Variants in RGP1 observed in about 807,000 individuals in gnomAD.
The protein encoded by RGP1 is RGP1 partner of RAB6A GEF complex.
A neutral mutation model predicts 44.5 loss-of-function variants in RGP1; 28 were observed. That is an observed-to-expected ratio of 0.63 (90% CI 0.47 to 0.86). RGP1 has a LOEUF of 0.86. Ranked by LOEUF, RGP1 falls within the 40% of genes least tolerant of loss-of-function variation. The probability of loss-of-function intolerance (pLI) is 0.00; values close to 1 mark genes in which losing one functional copy is unlikely to be tolerated. For synonymous variants in RGP1, 212 were observed against 196.7 expected (o/e 1.08, Z -0.65); for missense variants, 417 against 490.7 (o/e 0.85, Z 1.42).
At chr9:35,779,319 C>A in the RGP1 span, among the ~76,000 whole-genome samples, 4 of 152,074 alleles carry the variant, frequency 2.6e-5, no homozygotes, top group Non-Finnish European at 5.9e-5. Context: ...TCCCTCCTTT[C>A]CCCCCTTAAA....
Position 35,749,966 on chromosome 9 carries a change from C to A in RGP1, c.116+95C>A. 1.0e-6 allele frequency: 1 copy of A among 991,604 alleles called. No individual in the cohort carries two copies. Among genetic ancestry groups the A allele is most frequent in the Non-Finnish European group, 1.5e-6 (1 of 649,192 alleles). The allele number at this position is 991,604 out of a possible 1,614,324, so 61.4% of individuals were successfully genotyped here. On this transcript the variant is annotated intron_variant, in intron 2 of 8. Transcript: ENST00000378078. This position sits in a 1 kb window ranked among gnomAD's most constrained non-coding sequence, Gnocchi z 4.4. ...GAGCTCAGGTTGTCCTGTAGCGACACCACCTCCTCTTGCTCACTGTGCTGT... is the reference window on the plus strand; with the variant it reads ...GAGCTCAGGTTGTCCTGTAGCGACAACACCTCCTCTTGCTCACTGTGCTGT...
intron 7 of RGP1, 41 bp downstream of exon 7, chr9:35,751,795 G>T (rs1388317789): frequency 6.2e-7 from 1 of 1,612,992 alleles, no homozygotes; most frequent in African/African-American, 1.3e-5. Context: ...GGGGTGCTGG[G>T]GTTGAAGGGC....
At chr9:35,783,558 T>G in the RGP1 span, among the ~76,000 whole-genome samples, 1 of 152,018 alleles carries the variant, frequency 6.6e-6, no homozygotes. Context: ...AGATTCCACA[T>G]ATGAGTGAGA....
rs1370519102 is a variant in RGP1 at position 35,755,749 on chromosome 9, G to C, written c.*2875G>C. The C allele has an allele frequency of 6.6e-6, 1 of 152,160 alleles. No individual in the cohort carries two copies. The highest frequency in any genetic ancestry group is 1.5e-5 in the Non-Finnish European group (1 of 68,046). 9.4% of individuals were successfully genotyped at this position (152,160 alleles called of 1,614,324 possible). On this transcript the variant is annotated 3_prime_UTR_variant, in exon 9 of 9. Coordinates refer to ENST00000378078, the MANE Select transcript of RGP1 (RefSeq NM_001080496.3). ...TCGCCTGCCGCCCACCTCCTGCTTT[G>C]TGCTCCCGCTTCCTAACAGGCCACA...
downstream of RGP1, among the ~76,000 whole-genome samples, chr9:35,759,567 CAAAAAAAAAAAAAAA>C (rs57938702): frequency 1.0e-3 from 40 of 38,306 alleles, no homozygotes; most frequent in Admixed American, 1.4e-3. Context: ...ACCCTGTCTC[CAAAAAAAAAAAAAAA>C]AAAAAAAAAA....
rs1827328288 is a variant in RGP1, at chr9:35,754,389, T to A, written c.*1515T>A. On this transcript the variant is annotated 3_prime_UTR_variant, in exon 9 of 9. Transcript: ENST00000378078. ...GGTGAGGGCATGAAAACAAGAGGTC[T>A]AGCTTTAACAAGCTGTGAGAGCTGA... The A allele has an allele frequency of 2.9e-6, 1 of 350,026 alleles. No individual in the cohort carries two copies. Among genetic ancestry groups the A allele is most frequent in the African/African-American group, 2.1e-5 (1 of 47,172 alleles). 21.7% of individuals were successfully genotyped at this position (350,026 alleles called of 1,614,324 possible).
chr9:35,749,390 C>G lies in RGP1; in HGVS notation c.-38C>G, dbSNP rs757981833. On this transcript the variant is annotated 5_prime_UTR_variant, in exon 1 of 9. Coordinates refer to ENST00000378078, the MANE Select transcript of RGP1 (RefSeq NM_001080496.3). The surrounding 1 kb of genome is among the most constrained non-coding windows in gnomAD (Gnocchi z 4.4). ...AGATGAGGCCTAGGGGTGCCGATCC[C>G]TAGTGTCGACTATGCGAGGTGACTA... 3.6e-6 allele frequency: 2 copies of G among 550,718 alleles called. No homozygotes were observed. The highest frequency in any genetic ancestry group is 1.4e-5 in the South Asian group (1 of 72,464). The allele number at this position is 550,718 out of a possible 1,614,324, so 34.1% of individuals were successfully genotyped here. A position where few individuals can be genotyped will look rare whatever the true frequency, so the allele number is the denominator to read the frequency against.
the RGP1 span, among the ~76,000 whole-genome samples, chr9:35,778,772 G>A: frequency 1.3e-5 from 2 of 152,082 alleles, no homozygotes; most frequent in Admixed American, 6.6e-5. Flanking sequence ...GGATCCTTTA[G>A]CTCCTAGATC....
the RGP1 span, among the ~76,000 whole-genome samples, chr9:35,781,404 G>T: frequency 8.0e-6 from 1 of 125,138 alleles, no homozygotes; most frequent in African/African-American, 2.9e-5. Flanking sequence ...GTGGGGGTGG[G>T]GGGAGGGGGT....
chr9:35,763,428 T>C (rs1163173909), downstream of RGP1, among the ~76,000 whole-genome samples: 1 of 152,208 alleles, frequency 6.6e-6, no homozygotes, highest in Non-Finnish European at 1.5e-5. Flanking sequence ...TTTTCATGTG[T>C]ACAGTTTTAA....
chr9:35,779,774 G>A, the RGP1 span, among the ~76,000 whole-genome samples: 1 of 152,122 alleles, frequency 6.6e-6, no homozygotes, highest in Non-Finnish European at 1.5e-5. Flanking sequence ...GGGGTCTGTT[G>A]CCTAGGCTGG....
downstream of RGP1, among the ~76,000 whole-genome samples, chr9:35,763,129 T>C (rs1349435081): frequency 6.6e-6 from 1 of 152,262 alleles, no homozygotes; most frequent in Non-Finnish European, 1.5e-5. Context: ...CTATTCTGTA[T>C]TAGCCACTTA....
rs1041958761 is a variant in RGP1 at position 35,758,344 on chromosome 9, A to G, written c.*5470A>G. 7 of 152,364 alleles carry G rather than the reference A, an allele frequency of 4.6e-5. No homozygotes were observed. In the South Asian group the frequency reaches 1.4e-3, roughly 32 times the overall value. The allele number at this position is 152,364 out of a possible 1,614,324, so 9.4% of individuals were successfully genotyped here. A position where few individuals can be genotyped will look rare whatever the true frequency, so the allele number is the denominator to read the frequency against. On this transcript the variant is annotated 3_prime_UTR_variant, in exon 9 of 9. Coordinates refer to ENST00000378078, the MANE Select transcript of RGP1 (RefSeq NM_001080496.3). The stretch of plus-strand genomic sequence containing the variant: ...TATCCTGTGGCTGATAGAAAAAGTT[A>G]AAGCTGTTTAATTCACCATAGTATT...
At chr9:35,761,655 C>T (rs549283636), downstream of RGP1, among the ~76,000 whole-genome samples, 76 of 152,126 alleles carry the variant, frequency 5.0e-4, no homozygotes, top group African/African-American at 1.8e-3. Context: ...GCTTGGGTGA[C>T]AGAGCAAGAC....
the RGP1 span, among the ~76,000 whole-genome samples, chr9:35,787,071 G>T: frequency 6.6e-6 from 1 of 150,520 alleles, no homozygotes; most frequent in Admixed American, 6.6e-5. Context: ...CTGCACTGTA[G>T]CCTGGGCGAC....
In RGP1 at chr9:35,753,235, C is replaced by T. The variant is rs1827300128; in HGVS notation, c.*361C>T. 2 of 1,614,160 alleles carry T rather than the reference C, an allele frequency of 1.2e-6. No individual in the cohort carries two copies. Among genetic ancestry groups the T allele is most frequent in the Non-Finnish European group, 8.5e-7 (1 of 1,180,024 alleles). ...AGGAGAACTGGCAGGTTCCTGCCTC[C>T]TGACGTACCTCACACCCAGCCGGGA... On this transcript the variant is annotated 3_prime_UTR_variant, in exon 9 of 9. Coordinates refer to ENST00000378078, the MANE Select transcript of RGP1 (RefSeq NM_001080496.3). The surrounding 1 kb of genome is among the most constrained non-coding windows in gnomAD (Gnocchi z 4.2).
Position 35,750,376 on chromosome 9 carries a change from C to T in RGP1, c.250C>T (p.Arg84Ter), listed in dbSNP as rs778378494. Residue 84 changes from arginine to a stop codon, truncating the protein, a stop_gained, in exon 3 of 9, where the codon CGA becomes TGA. Transcript: ENST00000378078. LOFTEE classifies it high-confidence loss of function. ...PDSQTVFLPH[R>*]GERGQCILST... is the part of the protein sequence containing the mutation. ...CAGCCAGACTGTCTTTCTGCCACAC[C>T]GAGGTTAGAGAGGGGCATTTGCCTG... 1.9e-6 allele frequency: 3 copies of T among 1,613,860 alleles called. No individual in the cohort carries two copies. The highest frequency in any genetic ancestry group is 1.7e-5 in the Admixed American group (1 of 60,014).
At chr9:35,788,531 A>G in the RGP1 span, among the ~76,000 whole-genome samples, 1 of 151,696 alleles carries the variant, frequency 6.6e-6, no homozygotes, top group African/African-American at 2.4e-5. Flanking sequence ...GCGCCACTAC[A>G]TTCCAGCCTG....
chr9:35,762,092 G>A (rs1167734317), downstream of RGP1, among the ~76,000 whole-genome samples: 1 of 152,082 alleles, frequency 6.6e-6, no homozygotes, highest in Non-Finnish European at 1.5e-5. Context: ...GCAGTGAGCC[G>A]AGATCAGTGT....
Sources: allele counts gnomAD v4.1 joint callset (sites outside exome capture counted in the v4.1 genomes callset), GRCh38; gene constraint gnomAD v4.1.1; non-coding constraint Gnocchi (gnomAD v3.1); transcripts MANE v1.5; gene names NCBI Gene and HGNC (gene_info 2026-07-23, HGNC 2026-07-21).